Variants in RBFOX1 observed in about 807,000 individuals in gnomAD.
RBFOX1 encodes RNA binding fox-1 homolog 1.
RBFOX1 carries 8 observed loss-of-function variants against 57.7 expected under a neutral mutation model. That is an observed-to-expected ratio of 0.14 (90% CI 0.08 to 0.25). RBFOX1 has a LOEUF of 0.25. Among genes scored for constraint, RBFOX1 ranks in the 10% least tolerant of loss-of-function variants. RBFOX1 has a pLI of 1.00. For missense variants in RBFOX1, 611 were observed against 548.5 expected, an observed-to-expected ratio of 1.11 and a Z score of -1.14; for synonymous variants, 326 against 222.4, an observed-to-expected ratio of 1.47 and a Z score of -4.15.
At chr16:6,662,825 T>C (rs2098709853) in intron 3 of RBFOX1, among the ~76,000 whole-genome samples, 2 of 152,236 alleles carry the variant, frequency 1.3e-5, no homozygotes. Flanking sequence ...ATACTGTTCT[T>C]TCTGCTCTTT....
At chr16:5,299,835 A>C (rs1178499639) in intron 1 of RBFOX1, among the ~76,000 whole-genome samples, 1 of 152,156 alleles carries the variant, frequency 6.6e-6, no homozygotes, top group African/African-American at 2.4e-5. Flanking sequence ...TTGTGGATAC[A>C]AGTGGGGATA....
At chr16:6,298,827 A>G (rs1192464685) in intron 1 of RBFOX1, among the ~76,000 whole-genome samples, 2 of 152,218 alleles carry the variant, frequency 1.3e-5, no homozygotes, top group East Asian at 3.9e-4. Context: ...TAAATGGATC[A>G]TGCCACCCTT....
chr16:7,044,869 C>T (rs76252681), intron 3 of RBFOX1, among the ~76,000 whole-genome samples: 6 of 152,130 alleles, frequency 3.9e-5, no homozygotes, highest in South Asian at 2.1e-4. Context: ...TCTCCCCACC[C>T]GGAGCCTCTC....
At chr16:6,700,118 G>C (rs2061603296) in intron 3 of RBFOX1, among the ~76,000 whole-genome samples, 1 of 152,016 alleles carries the variant, frequency 6.6e-6, no homozygotes, top group African/African-American at 2.4e-5. Flanking sequence ...TGGGTACCTG[G>C]AAATTGTAGA....
chr16:6,504,697 G>C (rs560425630), intron 2 of RBFOX1, among the ~76,000 whole-genome samples: 1 of 152,248 alleles, frequency 6.6e-6, no homozygotes, highest in African/African-American at 2.4e-5. Flanking sequence ...GCATTGAATT[G>C]CATACTTGCA....
chr16:5,916,335 T>C (rs1403870997), intron 4 of RBFOX1, among the ~76,000 whole-genome samples: 1 of 152,204 alleles, frequency 6.6e-6, no homozygotes, highest in East Asian at 1.9e-4. Flanking sequence ...TGTTTTTGTC[T>C]TACTGTCTAT....
intron 4 of RBFOX1, among the ~76,000 whole-genome samples, chr16:7,293,475 G>A (rs1603532799): frequency 6.6e-6 from 1 of 152,168 alleles, no homozygotes; most frequent in South Asian, 2.1e-4. Context: ...CCATCTTCAT[G>A]TCTGCTCATA....
At chr16:5,551,574 C>T (rs1394369433) in intron 2 of RBFOX1, among the ~76,000 whole-genome samples, 1 of 152,210 alleles carries the variant, frequency 6.6e-6, no homozygotes, top group African/African-American at 2.4e-5. Context: ...TGCCTGTTCT[C>T]TAGCAGCTTG....
At chr16:6,900,262 A>G (rs903972949) in intron 3 of RBFOX1, among the ~76,000 whole-genome samples, 1 of 152,094 alleles carries the variant, frequency 6.6e-6, no homozygotes, top group African/African-American at 2.4e-5. Context: ...ATAATATTCA[A>G]AGTCAATATG....
chr16:7,140,544 G>A lies in RBFOX1; in HGVS notation c.27+88446G>A, dbSNP rs1415018479. On this transcript the variant is annotated intron_variant, in intron 4 of 15. Transcript: ENST00000550418. ...AGTTTAATAAATACATCTTTTAAGT[G>A]CATAAATGAATGCATTGATGAATTT... 2.7e-5 allele frequency among the ~76,000 whole-genome samples: 4 copies of A among 150,906 alleles called. No individual in the cohort carries two copies. In the South Asian group the frequency reaches 6.2e-4, roughly 24 times the overall value.
intron 4 of RBFOX1, among the ~76,000 whole-genome samples, chr16:7,454,411 A>T (rs913836239): frequency 6.6e-6 from 1 of 152,222 alleles, no homozygotes; most frequent in African/African-American, 2.4e-5. Flanking sequence ...ATTGTCTCCC[A>T]AGTTATCAAG....
chr16:6,862,171 G>C (rs2059137534), intron 3 of RBFOX1, among the ~76,000 whole-genome samples: 1 of 152,176 alleles, frequency 6.6e-6, no homozygotes, highest in Non-Finnish European at 1.5e-5. Context: ...TGAAGGGCTT[G>C]CTGTGTGTGT....
intron 2 of RBFOX1, among the ~76,000 whole-genome samples, chr16:5,577,238 A>T (rs942908173): frequency 6.6e-6 from 1 of 152,202 alleles, no homozygotes; most frequent in Non-Finnish European, 1.5e-5. Flanking sequence ...ACGATCTAAG[A>T]ACAAGCAGAC....
At chr16:7,451,527 T>G (rs954671009) in intron 4 of RBFOX1, among the ~76,000 whole-genome samples, 4 of 152,098 alleles carry the variant, frequency 2.6e-5, no homozygotes, top group Non-Finnish European at 4.4e-5. Flanking sequence ...TAAGCAGTGG[T>G]GGAGGAGATC....
chr16:7,427,220 A>C (rs1191223661), intron 4 of RBFOX1, among the ~76,000 whole-genome samples: 4 of 152,166 alleles, frequency 2.6e-5, no homozygotes, highest in African/African-American at 9.7e-5. Context: ...CATATGTAAC[A>C]AACCTGCATG....
chr16:6,944,113 C>G (rs753150015), intron 3 of RBFOX1, among the ~76,000 whole-genome samples: 3 of 152,060 alleles, frequency 2.0e-5, no homozygotes, highest in Non-Finnish European at 2.9e-5. Flanking sequence ...AGACCACACC[C>G]TGGCCAGGCA....
At chr16:5,759,181 T>A (rs1347586) in intron 3 of RBFOX1, among the ~76,000 whole-genome samples, 7,936 of 152,256 alleles carry the variant, frequency 0.052, 608 homozygotes, top group African/African-American at 0.17. Context: ...TAACTTCCTA[T>A]CCACGAAGGC....
chr16:7,049,405 G>C (rs1375820484), intron 3 of RBFOX1, among the ~76,000 whole-genome samples: 1 of 151,978 alleles, frequency 6.6e-6, no homozygotes, highest in Non-Finnish European at 1.5e-5. Flanking sequence ...ACTACCCTGA[G>C]ATTGCCTGGA....
At chr16:7,460,882 G>C (rs1405074190) in intron 4 of RBFOX1, among the ~76,000 whole-genome samples, 2 of 152,128 alleles carry the variant, frequency 1.3e-5, no homozygotes, top group East Asian at 1.9e-4. Flanking sequence ...TATTCTGCAA[G>C]TTTTACAAGT....
Sources: gnomAD v4.1 joint callset for allele counts (sites outside exome capture counted in the v4.1 genomes callset) on GRCh38, gnomAD v4.1.1 for gene constraint, MANE v1.5 for transcripts, NCBI Gene and HGNC (gene_info 2026-07-23, HGNC 2026-07-21) for gene names.